The following LIN54 variants were observed in gnomAD, a reference collection of about 807,000 sequenced individuals.
LIN54 encodes lin-54 DREAM MuvB core complex component.
A neutral mutation model predicts 78.7 loss-of-function variants in LIN54; 9 were observed. The ratio of observed to expected loss-of-function variants is 0.11; its 90% CI spans 0.07 to 0.20. The LOEUF is 0.20. LIN54 is among the 10% of genes least tolerant of loss of function. LIN54 has a pLI of 1.00. For synonymous variants in LIN54, 269 were observed against 318.4 expected (o/e 0.84, Z 1.65); for missense variants, 573 against 889.9 (o/e 0.64, Z 4.53).
At chr4:82,940,785 C>T (rs1722793015) in intron 5 of LIN54, among the ~76,000 whole-genome samples, 1 of 152,168 alleles carries the variant, frequency 6.6e-6, no homozygotes, top group Admixed American at 6.5e-5. Context: ...TCATAAGACC[C>T]AGGGCATTTA....
chr4:82,931,840 T>C (rs932281934), intron 11 of LIN54, among the ~76,000 whole-genome samples: 1 of 152,184 alleles, frequency 6.6e-6, no homozygotes, highest in Non-Finnish European at 1.5e-5. Context: ...TTACAACTCA[T>C]GGAATCCCTC....
chr4:82,967,041 G>A (rs1221430266), intron 4 of LIN54, among the ~76,000 whole-genome samples: 3 of 151,734 alleles, frequency 2.0e-5, no homozygotes, highest in African/African-American at 7.3e-5. Context: ...CCTCCTGGAC[G>A]ACATGGTGAA....
intron 4 of LIN54, among the ~76,000 whole-genome samples, chr4:82,957,551 A>T (rs1724431048): frequency 6.6e-6 from 1 of 152,042 alleles, no homozygotes; most frequent in African/African-American, 2.4e-5. Flanking sequence ...TCCGATTCAT[A>T]TTTCCAATCA....
At chr4:82,937,616 C>A (rs1167336745) in intron 8 of LIN54, among the ~76,000 whole-genome samples, 1 of 152,190 alleles carries the variant, frequency 6.6e-6, no homozygotes, top group African/African-American at 2.4e-5. Context: ...ACTCCACAAA[C>A]ACTGTCCCTT....
chr4:82,953,479 A>C (rs1724014082), intron 4 of LIN54, among the ~76,000 whole-genome samples: 1 of 152,180 alleles, frequency 6.6e-6, no homozygotes, highest in African/African-American at 2.4e-5. Context: ...AATTGAAAAA[A>C]TAGCTGGGTA....
intron 5 of LIN54, among the ~76,000 whole-genome samples, chr4:82,940,932 C>G (rs1016962540): frequency 1.3e-5 from 2 of 152,010 alleles, no homozygotes; most frequent in African/African-American, 4.8e-5. Flanking sequence ...GAACACTGCC[C>G]TACAAATAGT....
chr4:82,941,964 A>G (rs551869477), intron 5 of LIN54, among the ~76,000 whole-genome samples: 33 of 152,304 alleles, frequency 2.2e-4, no homozygotes, highest in African/African-American at 7.7e-4. Context: ...GCCTACTGCC[A>G]TTTCCACTGT....
Position 82,996,848 on chromosome 4 carries a change from A to G in LIN54, c.-32-11972T>C, listed in dbSNP as rs142865151. Among the ~76,000 whole-genome samples the G allele has an allele frequency of 1.1e-3, 167 of 152,148 alleles. 1 individual carries two copies. The highest frequency in any genetic ancestry group is 3.9e-3 in the African/African-American group (162 of 41,542). ...AGTTAAACAGTCACCCATTTAGAAA[A>G]GTCTGATTTGTACATTTGTCTTAAT... On this transcript the variant is annotated intron_variant, in intron 1 of 12. Coordinates refer to ENST00000340417, the MANE Select transcript of LIN54 (RefSeq NM_194282.4).
chr4:82,972,153 C>G (rs1345502739), intron 3 of LIN54, among the ~76,000 whole-genome samples: 1 of 152,110 alleles, frequency 6.6e-6, no homozygotes, highest in African/African-American at 2.4e-5. Flanking sequence ...CTTCTGGGCT[C>G]AAATGATCCT....
chr4:82,928,306 G>A lies in LIN54; in HGVS notation c.2049-3C>T. The A allele has an allele frequency of 6.2e-7, 1 of 1,611,536 alleles. No homozygotes were observed. Among genetic ancestry groups the A allele is most frequent in the Non-Finnish European group, 8.5e-7 (1 of 1,177,694 alleles). The stretch of plus-strand genomic sequence containing the variant: ...TAGTTACAAATGTAAATGGCAATCT[G>A]AAATGATTTTTGAAAGAGAAAGATG... On this transcript the variant is annotated splice_polypyrimidine_tract_variant and splice_region_variant and intron_variant, in intron 12 of 12. Transcript: ENST00000340417.
At chr4:82,971,114 T>C (rs1725613837) in intron 3 of LIN54, among the ~76,000 whole-genome samples, 1 of 152,102 alleles carries the variant, frequency 6.6e-6, no homozygotes, top group Non-Finnish European at 1.5e-5. Flanking sequence ...TGAGTTGAAA[T>C]ATCAGGAATT....
chr4:82,991,200 A>G (rs1285642334), intron 1 of LIN54, among the ~76,000 whole-genome samples: 4 of 151,152 alleles, frequency 2.6e-5, no homozygotes, highest in Non-Finnish European at 5.9e-5. Flanking sequence ...TGTCTCCCAA[A>G]TAACTATATC....
At position 82,977,830 on chromosome 4, in the gene LIN54, AG is replaced by A. The variant is rs1225437562; in HGVS notation, c.808+1052del. Among the ~76,000 whole-genome samples the A allele has an allele frequency of 2.0e-5, 3 of 152,318 alleles. No homozygotes were observed. In the East Asian group the frequency reaches 5.8e-4, roughly 29 times the overall value. ...AGAAATTAGAAATGATCCTATAACT[AG>A]TGAAAGAGTCATTTAGTATGGCTCT... On this transcript the variant is annotated intron_variant, in intron 3 of 12. Coordinates refer to ENST00000340417, the MANE Select transcript of LIN54 (RefSeq NM_194282.4).
intron 4 of LIN54, among the ~76,000 whole-genome samples, chr4:82,963,719 C>T (rs961050287): frequency 6.6e-6 from 1 of 150,726 alleles, no homozygotes; most frequent in Admixed American, 6.6e-5. Context: ...ACAAGCCAAA[C>T]GTGGAGATAA....
Position 82,941,149 on chromosome 4 carries a change from G to GATATATATATATATATATAT in LIN54, c.1169-1207_1169-1188dup, listed in dbSNP as rs3081913. On this transcript the variant is annotated intron_variant, in intron 5 of 12. Transcript: ENST00000340417. ...CATGAAGAGCTGTGGGAGTTAAGAGGATATATATATATATATATATATATA... is the reference window on the plus strand; with the variant it reads ...CATGAAGAGCTGTGGGAGTTAAGAGGATATATATATATATATATATATATATATATATATATATATATATA... Among the ~76,000 whole-genome samples the GATATATATATATATATATAT allele has an allele frequency of 6.7e-4, 88 of 131,112 alleles. 1 individual carries two copies. Among genetic ancestry groups the GATATATATATATATATATAT allele is most frequent in the East Asian group, 1.2e-3 (5 of 4,052 alleles). The allele number at this position is 131,112 out of a possible 152,430, so 86.0% of individuals were successfully genotyped here. A position where few individuals can be genotyped will look rare whatever the true frequency, so the allele number is the denominator to read the frequency against.
chr4:82,957,037 A>G (rs981647098), intron 4 of LIN54, among the ~76,000 whole-genome samples: 2 of 152,220 alleles, frequency 1.3e-5, no homozygotes, highest in African/African-American at 4.8e-5. Flanking sequence ...CCTCAATTCC[A>G]CAACACTTAC....
At position 83,010,611 on chromosome 4, in the gene LIN54, T is replaced by A. The variant is rs1729791340; in HGVS notation, c.-160A>T. 1.6e-6 allele frequency: 2 copies of A among 1,228,102 alleles called. No individual in the cohort carries two copies. Among genetic ancestry groups the A allele is most frequent in the Non-Finnish European group, 2.0e-6 (2 of 985,538 alleles). 76.1% of individuals were successfully genotyped at this position (1,228,102 alleles called of 1,614,324 possible). ...GATAGCTCTGGCCAGCAGCTTCCTT[T>A]CCCAGTTTGTCCAAACTGGAGCGCT... is the stretch of plus-strand genomic sequence containing the variant. On this transcript the variant is annotated 5_prime_UTR_variant, in exon 1 of 13. Transcript: ENST00000340417.
At chr4:82,947,237 T>TATA (rs1560733573) in intron 4 of LIN54, among the ~76,000 whole-genome samples, 3 of 22,952 alleles carry the variant, frequency 1.3e-4, no homozygotes, top group African/African-American at 3.9e-4. Context: ...ATATATATAT[T>TATA]TTTTTTTTTT....
intron 8 of LIN54, among the ~76,000 whole-genome samples, chr4:82,937,672 A>G (rs1025603931): frequency 2.0e-5 from 3 of 152,258 alleles, no homozygotes; most frequent in Non-Finnish European, 2.9e-5. Flanking sequence ...TTGGGATTCA[A>G]TTATAAAAAG....
Sources: allele counts gnomAD v4.1 joint callset (sites outside exome capture counted in the v4.1 genomes callset), GRCh38; gene constraint gnomAD v4.1.1; transcripts MANE v1.5; gene names NCBI Gene and HGNC (gene_info 2026-07-23, HGNC 2026-07-21).